GRIP1: variants seen among roughly 807,000 people sequenced by gnomAD.
GRIP1 encodes glutamate receptor-interacting protein 1.
GRIP1 carries 45 observed loss-of-function variants against 129.9 expected under a neutral mutation model. The observed-to-expected ratio is 0.35, with a 90% CI of 0.27 to 0.44. The LOEUF is 0.44. Among genes scored for constraint, GRIP1 ranks in the 20% least tolerant of loss-of-function variants. The pLI, the probability that GRIP1 is intolerant of heterozygous loss-of-function variation, is 1.00. For missense variants in GRIP1, 1,196 were observed against 1,396.8 expected (o/e 0.86, Z 2.29); for synonymous variants, 530 against 520.8 (o/e 1.02, Z -0.24).
intron 7 of GRIP1, among the ~76,000 whole-genome samples, chr12:66,482,888 G>T (rs889283267): frequency 6.6e-6 from 1 of 152,120 alleles, no homozygotes; most frequent in Non-Finnish European, 1.5e-5. Flanking sequence ...AAAAATGGAT[G>T]ATACAGATAT....
intron 1 of GRIP1, among the ~76,000 whole-genome samples, chr12:66,758,673 G>A (rs1435916072): frequency 6.6e-6 from 1 of 152,188 alleles, no homozygotes; most frequent in Non-Finnish European, 1.5e-5. Flanking sequence ...AGATACAATG[G>A]AGGTACAGGT....
At chr12:66,671,320 A>C (rs746529774) in intron 1 of GRIP1, among the ~76,000 whole-genome samples, 14 of 152,034 alleles carry the variant, frequency 9.2e-5, no homozygotes, top group Non-Finnish European at 1.9e-4. Flanking sequence ...TGCTCACTCT[A>C]GCTGGCTGCC....
chr12:66,993,788 C>CA lies in GRIP1; in HGVS notation c.58+75261dup, dbSNP rs3051204. ...CCTGGACAACAGCATGAGGCTGTCT[C>CA]AAAAAAAAAAAAAAAAAAAATCAAG... On this transcript the variant is annotated intron_variant, in intron 1 of 1. Transcript: ENST00000643019. 1.1e-3 allele frequency among the ~76,000 whole-genome samples: 132 copies of CA among 116,076 alleles called. 2 individuals carry two copies. The highest frequency in any genetic ancestry group is 4.1e-3 in the South Asian group (14 of 3,414). 76.2% of individuals were successfully genotyped at this position (116,076 alleles called of 152,430 possible). A position where few individuals can be genotyped will look rare whatever the true frequency, so the allele number is the denominator to read the frequency against.
chr12:66,757,332 A>G (rs2037325730), intron 1 of GRIP1, among the ~76,000 whole-genome samples: 1 of 152,106 alleles, frequency 6.6e-6, no homozygotes, highest in Non-Finnish European at 1.5e-5. Context: ...GAATATGTGA[A>G]GTTTGTCTTT....
At chr12:66,614,241 A>C (rs952054887) in intron 1 of GRIP1, among the ~76,000 whole-genome samples, 6 of 152,026 alleles carry the variant, frequency 3.9e-5, no homozygotes, top group Non-Finnish European at 7.4e-5. Flanking sequence ...ATCTGCAGCC[A>C]TGACCTCCCC....
intron 1 of GRIP1, among the ~76,000 whole-genome samples, chr12:66,840,807 T>C (rs1283011214): frequency 6.6e-6 from 1 of 152,174 alleles, no homozygotes; most frequent in East Asian, 1.9e-4. Flanking sequence ...TCTGGCCCTC[T>C]ATTGCCTGAC....
chr12:66,371,158 A>ATTT lies in GRIP1; in HGVS notation c.3012+533_3012+535dup, dbSNP rs561040544. The stretch of plus-strand genomic sequence containing the variant: ...TGTAAGAAGATTATGGCCATAAATA[A>ATTT]TTTTTTTTTTTTTTTTTTGGGACAG... On this transcript the variant is annotated intron_variant, in intron 23 of 24. Coordinates refer to ENST00000359742, the MANE Select transcript of GRIP1 (RefSeq NM_001366722.1). Among the ~76,000 whole-genome samples the ATTT allele has an allele frequency of 7.9e-3, 1,061 of 134,958 alleles. 29 individuals carry two copies. Among genetic ancestry groups the ATTT allele is most frequent in the African/African-American group, 0.026 (936 of 35,782 alleles). 88.5% of individuals were successfully genotyped at this position (134,958 alleles called of 152,430 possible).
chr12:66,952,797 T>A (rs2041778880), intron 1 of GRIP1, among the ~76,000 whole-genome samples: 1 of 152,242 alleles, frequency 6.6e-6, no homozygotes, highest in Non-Finnish European at 1.5e-5. Context: ...GCTGGATGAA[T>A]GATTTCATAA....
At chr12:66,692,599 A>T (rs1305030920) in intron 1 of GRIP1, among the ~76,000 whole-genome samples, 1 of 152,214 alleles carries the variant, frequency 6.6e-6, no homozygotes, top group Non-Finnish European at 1.5e-5. Flanking sequence ...AAATGAGATG[A>T]TGAGATGGAT....
chr12:66,901,834 T>C (rs1451974389), intron 1 of GRIP1, among the ~76,000 whole-genome samples: 1 of 152,226 alleles, frequency 6.6e-6, no homozygotes, highest in East Asian at 1.9e-4. Flanking sequence ...CTCACTGCCA[T>C]AATGAACTAA....
At chr12:66,894,677 CAAGAA>C (rs1422653271) in intron 1 of GRIP1, among the ~76,000 whole-genome samples, 1 of 152,022 alleles carries the variant, frequency 6.6e-6, no homozygotes, top group Non-Finnish European at 1.5e-5. Flanking sequence ...ATGAAAATGG[CAAGAA>C]TTAGATCAGA....
intron 1 of GRIP1, among the ~76,000 whole-genome samples, chr12:66,648,639 C>G (rs1040084682): frequency 1.3e-5 from 2 of 152,152 alleles, no homozygotes; most frequent in Non-Finnish European, 2.9e-5. Flanking sequence ...TTCGAGTCAC[C>G]AATTTAATCA....
upstream of GRIP1, among the ~76,000 whole-genome samples, chr12:66,680,964 A>ATT (rs59371171): frequency 7.9e-5 from 12 of 151,726 alleles, no homozygotes; most frequent in South Asian, 2.1e-4. Context: ...TAATATGCTT[A>ATT]TTTTTTTTGT....
intron 1 of GRIP1, among the ~76,000 whole-genome samples, chr12:66,709,469 G>C (rs752481671): frequency 2.0e-5 from 3 of 151,934 alleles, no homozygotes; most frequent in Non-Finnish European, 2.9e-5. Flanking sequence ...CCTGATCTGA[G>C]CTGGCAAGAG....
At chr12:66,731,636 A>G (rs940912196) in intron 1 of GRIP1, among the ~76,000 whole-genome samples, 2 of 152,228 alleles carry the variant, frequency 1.3e-5, no homozygotes, top group Admixed American at 6.5e-5. Flanking sequence ...GGTGTCAAAT[A>G]CTATGGTAGA....
At chr12:66,649,183 G>C (rs1344779220) in intron 1 of GRIP1, among the ~76,000 whole-genome samples, 1 of 152,178 alleles carries the variant, frequency 6.6e-6, no homozygotes, top group Non-Finnish European at 1.5e-5. Flanking sequence ...TTTCATGTTT[G>C]AAGTTGGTCT....
chr12:66,704,014 T>C (rs2035441590), intron 1 of GRIP1, among the ~76,000 whole-genome samples: 1 of 151,890 alleles, frequency 6.6e-6, no homozygotes, highest in South Asian at 2.1e-4. Context: ...TACCCATGTG[T>C]CAATAAAAAA....
At chr12:66,677,512 G>C (rs886564584) in intron 1 of GRIP1, among the ~76,000 whole-genome samples, 2 of 152,146 alleles carry the variant, frequency 1.3e-5, no homozygotes, top group Non-Finnish European at 2.9e-5. Flanking sequence ...TAGTCTCTTA[G>C]TCATGATTTA....
intron 1 of GRIP1, among the ~76,000 whole-genome samples, chr12:66,773,694 C>G (rs1451737909): frequency 6.6e-6 from 1 of 152,096 alleles, no homozygotes; most frequent in Non-Finnish European, 1.5e-5. Context: ...TATCCCAGAA[C>G]TTAAAGTATA....
Sources: gnomAD v4.1 joint callset for allele counts (sites outside exome capture counted in the v4.1 genomes callset) on GRCh38, gnomAD v4.1.1 for gene constraint, MANE v1.5 for transcripts, NCBI Gene and HGNC (gene_info 2026-07-23, HGNC 2026-07-21) for gene names.